Variants in CDH2 observed in about 807,000 individuals in gnomAD.
CDH2 encodes the protein cadherin 2.
Under a neutral mutation model 92.0 loss-of-function variants are expected in CDH2, and 17 were observed. The observed-to-expected ratio is 0.18, with a 90% CI of 0.13 to 0.28. CDH2 has a LOEUF of 0.28. Among genes scored for constraint, CDH2 ranks in the 10% least tolerant of loss-of-function variants. The probability of loss-of-function intolerance (pLI) is 1.00; values close to 1 mark genes in which losing one functional copy is unlikely to be tolerated. For synonymous variants in CDH2, 419 were observed against 415.9 expected (o/e 1.01, Z -0.09); for missense variants, 862 against 1,133.1 (o/e 0.76, Z 3.44).
chr18:28,038,126 TA>T (rs1555635436), intron 2 of CDH2, among the ~76,000 whole-genome samples: 2 of 152,006 alleles, frequency 1.3e-5, no homozygotes, highest in Admixed American at 6.6e-5. Flanking sequence ...AATTTAGCAT[TA>T]AAAATATATA....
chr18:28,065,743 C>T (rs1567984836), intron 2 of CDH2, among the ~76,000 whole-genome samples: 1 of 152,080 alleles, frequency 6.6e-6, no homozygotes, highest in African/African-American at 2.4e-5. Context: ...TCTAATTCTC[C>T]AATATTAAAT....
At position 27,988,593 on chromosome 18, in the gene CDH2, C is replaced by A; in HGVS notation, c.1672G>T (p.Val558Phe). ...PVNGQITTIA[V>F]LDRESPNVKN... is the part of the protein sequence containing the mutation. ...ACATTTGGTGATTCTCGGTCCAAAA[C>A]AGCAATTGTAGTTATTTGTCCATTC... Residue 558 changes from valine to phenylalanine, a missense_variant, in exon 11 of 16, where the codon GTT becomes TTT. Val to Phe is a conservative substitution (Grantham distance 50, BLOSUM62 -1). This residue lies in a region of CDH2 where 564 missense variants were observed against 722.2 expected (regional missense o/e 0.78). Transcript: ENST00000269141. 6.2e-7 allele frequency: 1 copy of A among 1,610,934 alleles called. No homozygotes were observed. Among genetic ancestry groups the A allele is most frequent in the Non-Finnish European group, 8.5e-7 (1 of 1,177,188 alleles).
chr18:28,149,392 A>G (rs1021846125), intron 1 of CDH2, among the ~76,000 whole-genome samples: 10 of 152,218 alleles, frequency 6.6e-5, no homozygotes, highest in Non-Finnish European at 1.5e-4. Context: ...GAGGCAAACT[A>G]AAACAAAACA....
At chr18:28,067,393 T>A (rs1410308426) in intron 2 of CDH2, among the ~76,000 whole-genome samples, 1 of 152,024 alleles carries the variant, frequency 6.6e-6, no homozygotes, top group Non-Finnish European at 1.5e-5. Flanking sequence ...CCAATCCCAA[T>A]CCCCTACCAC....
rs780425306 is a variant in CDH2 at position 27,987,409 on chromosome 18, G to T, written c.1741+1115C>A. On this transcript the variant is annotated intron_variant, in intron 11 of 15. Transcript: ENST00000269141. ...TTGGTCACTACATAGATTTTCTACA[G>T]ATAGTAATCTCATTAAATCTTAGTA... Among the ~76,000 whole-genome samples the T allele has an allele frequency of 1.2e-4, 19 of 152,142 alleles. 1 individual carries two copies. The highest frequency in any genetic ancestry group is 2.9e-5 in the Non-Finnish European group (2 of 68,020).
chr18:28,170,923 C>CAAAA (rs55875974), intron 1 of CDH2, among the ~76,000 whole-genome samples: 2 of 137,258 alleles, frequency 1.5e-5, no homozygotes, highest in Non-Finnish European at 3.1e-5. Flanking sequence ...ATACCTGTAC[C>CAAAA]AAAAAAAAAA....
Position 28,154,572 on chromosome 18 carries a change from C to T in CDH2, c.61-6788G>A, listed in dbSNP as rs192121394. Among the ~76,000 whole-genome samples, 12 of 152,318 alleles carry T rather than the reference C, an allele frequency of 7.9e-5. No homozygotes were observed. In the East Asian group the frequency reaches 2.1e-3, roughly 27 times the overall value. ...AGTCTCTCTGTTCTGGTTCTGCACT[C>T]GCAGGGACATTGTTTTTGTTCTTGT... On this transcript the variant is annotated intron_variant, in intron 1 of 15. Transcript: ENST00000269141.
At position 27,963,720 on chromosome 18, in the gene CDH2, A is replaced by G. The variant is rs2011468466; in HGVS notation, c.2350-199T>C. ...TCTTTCTTCTGTGCTTTTCATTTCT[A>G]CAGTCTGTGCTCCATCTGCTTTACA... On this transcript the variant is annotated intron_variant, in intron 14 of 15. Coordinates refer to ENST00000269141, the MANE Select transcript of CDH2 (RefSeq NM_001792.5). 7 of 561,536 alleles carry G rather than the reference A, an allele frequency of 1.2e-5. No homozygotes were observed. The South Asian group carries it at 1.5e-4, about 12-fold the overall frequency. The allele number at this position is 561,536 out of a possible 1,614,324, so 34.8% of individuals were successfully genotyped here.
At chr18:28,080,157 G>C (rs2014801788) in intron 2 of CDH2, among the ~76,000 whole-genome samples, 2 of 152,188 alleles carry the variant, frequency 1.3e-5, no homozygotes, top group South Asian at 4.1e-4. Context: ...TGAGGGCAAA[G>C]CAAAAACTAA....
rs563276941 is a variant in CDH2, at chr18:28,098,409, G to C, written c.172+49264C>G. ...CCACTGCTCCTAGAAGAAATGCAAA[G>C]TTAGGTTCCTATGAGCCTCTGGTCA... is the stretch of plus-strand genomic sequence containing the variant. On this transcript the variant is annotated intron_variant, in intron 2 of 15. Coordinates refer to ENST00000269141, the MANE Select transcript of CDH2 (RefSeq NM_001792.5). Among the ~76,000 whole-genome samples the C allele has an allele frequency of 2.6e-5, 4 of 152,252 alleles. No homozygotes were observed. In the East Asian group the frequency reaches 7.7e-4, roughly 29 times the overall value.
rs188240728 is a variant in CDH2, at chr18:28,174,142, T to C, written c.60+2821A>G. ...TTCAAGGCACAGAGTCCTTTGAATA[T>C]TCAATTATATTTAGCTTGTAAAAAA... On this transcript the variant is annotated intron_variant, in intron 1 of 15. Transcript: ENST00000269141. Among the ~76,000 whole-genome samples the C allele has an allele frequency of 7.9e-5, 12 of 152,286 alleles. No homozygotes were observed. In the East Asian group the frequency reaches 2.3e-3, roughly 29 times the overall value.
chr18:28,105,840 T>A (rs2015311593), intron 2 of CDH2, among the ~76,000 whole-genome samples: 1 of 152,226 alleles, frequency 6.6e-6, no homozygotes, highest in African/African-American at 2.4e-5. Context: ...AAATTAAAGC[T>A]TCACATTAAA....
chr18:28,175,196 G>C (rs2144377543), intron 1 of CDH2, among the ~76,000 whole-genome samples: 1 of 152,324 alleles, frequency 6.6e-6, no homozygotes. Context: ...TTGTTAGCAA[G>C]TGACTGGCAG....
intron 1 of CDH2, among the ~76,000 whole-genome samples, chr18:28,161,845 A>AAAACGAGTGGGC (rs1486961516): frequency 6.6e-6 from 1 of 152,186 alleles, no homozygotes; most frequent in East Asian, 1.9e-4. Context: ...CAACTTAGAT[A>AAAACGAGTGGGC]AAACGAGTGG....
chr18:27,969,637 G>C (rs1284138103), intron 14 of CDH2, among the ~76,000 whole-genome samples: 2 of 152,206 alleles, frequency 1.3e-5, no homozygotes, highest in Non-Finnish European at 2.9e-5. Flanking sequence ...TTGGGAAACA[G>C]ACTCGGTTAC....
chr18:28,162,055 A>G (rs2016314308), intron 1 of CDH2, among the ~76,000 whole-genome samples: 1 of 152,216 alleles, frequency 6.6e-6, no homozygotes, highest in South Asian at 2.1e-4. Context: ...TCAGTAATAA[A>G]TGTTGTAATT....
At chr18:28,166,229 T>C (rs2016383158) in intron 1 of CDH2, among the ~76,000 whole-genome samples, 1 of 144,346 alleles carries the variant, frequency 6.9e-6, no homozygotes, top group Non-Finnish European at 1.5e-5. Flanking sequence ...ATCACAATCT[T>C]GACAGTATCT....
chr18:27,971,642 T>C (rs1046359619), intron 14 of CDH2, among the ~76,000 whole-genome samples: 4 of 152,138 alleles, frequency 2.6e-5, no homozygotes, highest in Non-Finnish European at 4.4e-5. Flanking sequence ...GAGAATAGCA[T>C]GCAAAAAGGG....
At chr18:28,045,475 A>G (rs1325404275) in intron 2 of CDH2, 1 of 463,364 alleles carries the variant, frequency 2.2e-6, no homozygotes, top group Non-Finnish European at 4.5e-6. Context: ...TTCTCTCATC[A>G]TGGTCTTGTA....
Sources: gnomAD v4.1 joint callset for allele counts (sites outside exome capture counted in the v4.1 genomes callset) on GRCh38, gnomAD v4.1.1 for gene constraint, gnomAD v4.1.1 regional missense constraint, MANE v1.5 for transcripts, NCBI Gene and HGNC (gene_info 2026-07-23, HGNC 2026-07-21) for gene names.